The following SUMF1 variants were observed in gnomAD, a reference collection of about 807,000 sequenced individuals.
SUMF1 encodes the protein sulfatase modifying factor 1.
A neutral mutation model predicts 47.6 loss-of-function variants in SUMF1; 48 were observed. The observed-to-expected ratio is 1.01, with a 90% CI of 0.80 to 1.28. The LOEUF is 1.28. Ranked by LOEUF, SUMF1 falls within the 50% of genes most tolerant of loss-of-function variation. The pLI is 0.00. For missense variants in SUMF1, 571 were observed against 485.4 expected (o/e 1.18, Z -1.66); for synonymous variants, 230 against 192.1 (o/e 1.20, Z -1.63).
intron 8 of SUMF1, among the ~76,000 whole-genome samples, chr3:4,307,379 C>T (rs1379513717): frequency 1.3e-5 from 2 of 152,148 alleles, no homozygotes; most frequent in East Asian, 3.9e-4. Context: ...AACCTCATAA[C>T]CATGCTTTTC....
At chr3:4,197,731 T>C (rs370309838) in intron 8 of SUMF1, among the ~76,000 whole-genome samples, 10 of 152,214 alleles carry the variant, frequency 6.6e-5, no homozygotes, top group African/African-American at 2.2e-4. Context: ...AACATGTCAG[T>C]AAACATTTAT....
At chr3:4,434,171 G>T (rs1442528820) in intron 3 of SUMF1, among the ~76,000 whole-genome samples, 1 of 152,164 alleles carries the variant, frequency 6.6e-6, no homozygotes, top group African/African-American at 2.4e-5. Context: ...TTATAATGAT[G>T]AAAAAGTTCT....
At chr3:4,384,280 C>CA (rs1330189709) in intron 7 of SUMF1, among the ~76,000 whole-genome samples, 3 of 152,104 alleles carry the variant, frequency 2.0e-5, no homozygotes, top group African/African-American at 7.2e-5. Flanking sequence ...TATGGGTAAC[C>CA]GTTGATTCAC....
At chr3:4,115,851 A>G (rs1693413148) in intron 8 of SUMF1, among the ~76,000 whole-genome samples, 1 of 152,104 alleles carries the variant, frequency 6.6e-6, no homozygotes, top group South Asian at 2.1e-4. Flanking sequence ...CTATTTTGTA[A>G]ACGACTAAAT....
At position 4,303,418 on chromosome 3, in the gene SUMF1, G is replaced by A. The variant is rs754131927; in HGVS notation, c.1014+72912C>T. The stretch of plus-strand genomic sequence containing the variant: ...CGACACGGCCTTGTGGGATGGCGGA[G>A]TTTAAGGAGAAGCCTGAGGCCCCGA... On this transcript the variant is annotated intron_variant and NMD_transcript_variant, in intron 8 of 12. Transcript: ENST00000448413. The A allele has an allele frequency of 3.2e-6, 5 of 1,555,614 alleles. No homozygotes were observed. The South Asian group carries it at 6.1e-5, about 19-fold the overall frequency.
At chr3:4,048,043 T>C (rs1260370254) in intron 9 of SUMF1, among the ~76,000 whole-genome samples, 2 of 152,134 alleles carry the variant, frequency 1.3e-5, no homozygotes, top group Non-Finnish European at 2.9e-5. Context: ...TGATGGATCC[T>C]TTGATTAGGG....
chr3:4,149,609 C>T (rs933788051), intron 8 of SUMF1, among the ~76,000 whole-genome samples: 3 of 152,112 alleles, frequency 2.0e-5, no homozygotes, highest in African/African-American at 7.2e-5. Flanking sequence ...ATCTGTCCTT[C>T]CAAAATTTTG....
chr3:4,141,885 C>T (rs1314656805), intron 8 of SUMF1, among the ~76,000 whole-genome samples: 2 of 152,080 alleles, frequency 1.3e-5, no homozygotes, highest in Non-Finnish European at 1.5e-5. Context: ...ACTCATCCAA[C>T]AATTTGAGAG....
intron 8 of SUMF1, among the ~76,000 whole-genome samples, chr3:4,150,221 G>C (rs931267267): frequency 1.3e-5 from 2 of 151,426 alleles, no homozygotes; most frequent in Non-Finnish European, 2.9e-5. Context: ...AGCCTCCCAA[G>C]TAGCTGGGAC....
intron 8 of SUMF1, among the ~76,000 whole-genome samples, chr3:4,168,512 T>C (rs1263238868): frequency 1.3e-5 from 2 of 152,226 alleles, no homozygotes; most frequent in African/African-American, 4.8e-5. Context: ...AAATATTTTA[T>C]GCAAATGAAT....
chr3:4,057,279 C>T (rs954911309), intron 9 of SUMF1, among the ~76,000 whole-genome samples: 3 of 152,018 alleles, frequency 2.0e-5, no homozygotes, highest in Non-Finnish European at 4.4e-5. Flanking sequence ...CAATCCAAAC[C>T]AAAGAATAAA....
chr3:4,467,026 C>A lies in SUMF1; in HGVS notation c.220G>T (p.Ala74Ser). The change falls in exon 1 of 9, where the codon GCT (alanine) becomes TCT (serine). Residue 74 changes from alanine to serine, a missense_variant. Transcript: ENST00000272902. ...CCGGGTACGGGGCCCGGAGCGTTAG[C>A]CTCCCGCGAGTATCGGTGAGCGGCT... is the stretch of plus-strand genomic sequence containing the variant. ...SAAAHRYSRE[A>S]NAPGPVPGER... is the part of the protein sequence containing the mutation. 1.9e-6 allele frequency: 3 copies of A among 1,586,838 alleles called. No individual in the cohort carries two copies. Among genetic ancestry groups the A allele is most frequent in the African/African-American group, 1.3e-5 (1 of 74,502 alleles).
intron 8 of SUMF1, among the ~76,000 whole-genome samples, chr3:4,341,081 C>A (rs1171535507): frequency 3.3e-5 from 5 of 151,962 alleles, no homozygotes; most frequent in Admixed American, 6.6e-5. Flanking sequence ...AATTTAAAGT[C>A]TCCTAAGAGA....
intron 6 of SUMF1, among the ~76,000 whole-genome samples, chr3:4,415,523 C>T (rs896675690): frequency 1.3e-5 from 2 of 152,042 alleles, no homozygotes; most frequent in Admixed American, 6.6e-5. Flanking sequence ...TTTAAAAAAT[C>T]ATCAAAGGGC....
At chr3:4,276,314 A>T (rs553361806) in intron 8 of SUMF1, among the ~76,000 whole-genome samples, 1 of 152,352 alleles carries the variant, frequency 6.6e-6, no homozygotes, top group East Asian at 1.9e-4. Flanking sequence ...ATGAAGAAAT[A>T]GCCTAAAAAG....
intron 8 of SUMF1, among the ~76,000 whole-genome samples, chr3:4,219,913 G>T (rs554733386): frequency 1.3e-5 from 2 of 152,112 alleles, no homozygotes; most frequent in Non-Finnish European, 2.9e-5. Flanking sequence ...CCAGAGACTA[G>T]AATCACCAAA....
chr3:4,417,219 A>C lies in SUMF1; in HGVS notation c.749T>G (p.Leu250Arg). The C allele has an allele frequency of 6.2e-7, 1 of 1,614,028 alleles. No individual in the cohort carries two copies. The highest frequency in any genetic ancestry group is 8.5e-7 in the Non-Finnish European group (1 of 1,179,932). The change falls in exon 6 of 9, where the codon CTG (leucine) becomes CGG (arginine). Residue 250 changes from leucine (L) to arginine (R), a missense_variant. By Grantham distance (102) the Leu-to-Arg change is moderately radical (BLOSUM62 -2). Transcript: ENST00000272902. ...GGCATAATGCTGGCCTTTGGGCTGC[A>C]GTTTGTTGCCCCAGGGGAAAAGTCT... Reference protein sequence around the residue: ...HNRLFPWGNKLQPKGQHYANI... With the variant: ...HNRLFPWGNKRQPKGQHYANI...
chr3:4,260,133 A>C (rs762948442), intron 8 of SUMF1, among the ~76,000 whole-genome samples: 1 of 152,166 alleles, frequency 6.6e-6, no homozygotes, highest in Middle Eastern at 3.2e-3. Flanking sequence ...CTAGATCATC[A>C]GGGTGAAAAT....
chr3:4,288,295 C>G (rs573316781), intron 8 of SUMF1, among the ~76,000 whole-genome samples: 1 of 152,262 alleles, frequency 6.6e-6, no homozygotes, highest in East Asian at 1.9e-4. Flanking sequence ...CCTGTTGGCA[C>G]AGCACAAAAA....
Sources: gnomAD v4.1 joint callset for allele counts (sites outside exome capture counted in the v4.1 genomes callset) on GRCh38, gnomAD v4.1.1 for gene constraint, MANE v1.5 for transcripts, NCBI Gene and HGNC (gene_info 2026-07-23, HGNC 2026-07-21) for gene names.